The following PDK3 variants were observed in gnomAD, a reference collection of about 807,000 sequenced individuals.
PDK3 encodes the protein pyruvate dehydrogenase kinase 3, also known as pyruvate dehydrogenase kinase, isozyme 3.
A neutral mutation model predicts 32.0 loss-of-function variants in PDK3; 12 were observed. The observed-to-expected ratio is 0.37, with a 90% CI of 0.24 to 0.61. The LOEUF (loss-of-function observed/expected upper bound fraction) is 0.61, where lower values mean the gene tolerates loss of function less well. Ranked by LOEUF, PDK3 falls within the 20% of genes least tolerant of loss-of-function variation. The probability of loss-of-function intolerance (pLI) is 0.65; values close to 1 mark genes in which losing one functional copy is unlikely to be tolerated. For synonymous variants in PDK3, 122 were observed against 116.3 expected (o/e 1.05, Z -0.31); for missense variants, 188 against 316.9 (o/e 0.59, Z 3.09).
chrX:24,492,063 G>A (rs1428164979), intron 1 of PDK3, among the ~76,000 whole-genome samples: 1 of 112,029 alleles, frequency 8.9e-6, no homozygotes, highest in Non-Finnish European at 1.9e-5. Context: ...GTTTAGCCAG[G>A]ATGCAAAGTA....
At chrX:24,549,690 G>C (rs1923063606) in exon 12 of PDK3, 1 of 111,670 alleles carries the variant, frequency 9.0e-6, no homozygotes, top group South Asian at 3.7e-4. Context: ...TTGGCATTCT[G>C]GCTGACCCTA....
chrX:24,520,013 C>T (rs1321500430), intron 6 of PDK3, among the ~76,000 whole-genome samples: 1 of 111,467 alleles, frequency 9.0e-6, no homozygotes, highest in Non-Finnish European at 1.9e-5. Flanking sequence ...AGTGACATGG[C>T]GAAACCCCAT....
At position 24,465,341 on chromosome X, in the gene PDK3, G is replaced by A. The variant is rs1258204205; in HGVS notation, c.-115G>A. Reference sequence around the variant, plus strand: ...CGGCTGCACCGGCGGCGCCGAGGCCGAGATCGAGGCCGGGGTGCGCGCTTC... The same window carrying A: ...CGGCTGCACCGGCGGCGCCGAGGCCAAGATCGAGGCCGGGGTGCGCGCTTC... On this transcript the variant is annotated 5_prime_UTR_variant, in exon 1 of 11. Coordinates refer to ENST00000379162, the MANE Select transcript of PDK3 (RefSeq NM_005391.5). 4.3e-6 allele frequency: 2 copies of A among 461,065 alleles called. No individual in the cohort carries two copies. Among genetic ancestry groups the A allele is most frequent in the African/African-American group, 5.2e-5 (2 of 38,790 alleles). 38.0% of individuals were successfully genotyped at this position (461,065 alleles called of 1,213,427 possible).
chrX:24,540,324 A>C (rs1161304843), exon 12 of PDK3, among the ~76,000 whole-genome samples: 3 of 112,160 alleles, frequency 2.7e-5, no homozygotes, highest in Non-Finnish European at 5.6e-5. Context: ...TCTTCATGGT[A>C]ATTTTCCATA....
At chrX:24,513,290 G>A (rs950789463) in intron 5 of PDK3, among the ~76,000 whole-genome samples, 4 of 110,877 alleles carry the variant, frequency 3.6e-5, no homozygotes, top group Non-Finnish European at 7.5e-5. Context: ...GGGTAGGAAG[G>A]ATGATGATAG....
rs754966060 is a variant in PDK3, at chrX:24,502,839, G to A, written c.321-488G>A. Reference sequence around the variant, plus strand: ...AGCCTGGGTGACAGAGTGAGACTCCGTCAAAAGAACAAACAAACAAAACCC... The same window carrying A: ...AGCCTGGGTGACAGAGTGAGACTCCATCAAAAGAACAAACAAACAAAACCC... On this transcript the variant is annotated intron_variant, in intron 3 of 10. Coordinates refer to ENST00000379162, the MANE Select transcript of PDK3 (RefSeq NM_005391.5). 4.5e-5 allele frequency among the ~76,000 whole-genome samples: 5 copies of A among 111,704 alleles called. 1 individual carries two copies. The East Asian group carries it at 8.5e-4, about 19-fold the overall frequency.
exon 12 of PDK3, chrX:24,546,018 T>C (rs1922989193): frequency 8.9e-6 from 1 of 112,191 alleles, no homozygotes; most frequent in Non-Finnish European, 1.9e-5. Flanking sequence ...GAAGTGTTAG[T>C]GATTCCTGAG....
chrX:24,501,443 G>T (rs930898926), intron 3 of PDK3, among the ~76,000 whole-genome samples: 3 of 112,992 alleles, frequency 2.7e-5, no homozygotes, highest in Non-Finnish European at 5.6e-5. Context: ...GCCGGGCATG[G>T]TGGCCGACGC....
exon 12 of PDK3, among the ~76,000 whole-genome samples, chrX:24,541,990 T>C (rs1409009807): frequency 8.9e-6 from 1 of 112,261 alleles, no homozygotes; most frequent in Non-Finnish European, 1.9e-5. Flanking sequence ...ATGAATAATA[T>C]TCATAAATAG....
exon 12 of PDK3, among the ~76,000 whole-genome samples, chrX:24,543,347 C>T (rs1350877905): frequency 8.9e-6 from 1 of 111,904 alleles, no homozygotes; most frequent in Non-Finnish European, 1.9e-5. Context: ...AAGTCTTATC[C>T]TCCATTTCAC....
chrX:24,527,975 G>A, intron 8 of PDK3, 101 bp from the exon 9 acceptor site: 1 of 506,054 alleles, frequency 2.0e-6, no homozygotes, highest in Non-Finnish European at 3.5e-6. Context: ...CTTGTACATT[G>A]TGGAGTAATC....
intron 1 of PDK3, among the ~76,000 whole-genome samples, chrX:24,467,691 T>A (rs760169890): frequency 2.7e-5 from 3 of 112,166 alleles, no homozygotes; most frequent in Non-Finnish European, 5.6e-5. Context: ...AGTTCTATTT[T>A]GGCAATTGAT....
intron 5 of PDK3, among the ~76,000 whole-genome samples, chrX:24,506,911 A>G (rs1465686277): frequency 1.0e-5 from 1 of 99,441 alleles, no homozygotes; most frequent in African/African-American, 3.8e-5. Context: ...TTCGAGTTCA[A>G]GTGATTCTCC....
At chrX:24,529,600 A>T (rs1922600073) in intron 9 of PDK3, among the ~76,000 whole-genome samples, 1 of 110,570 alleles carries the variant, frequency 9.0e-6, no homozygotes, top group African/African-American at 3.3e-5. Flanking sequence ...TCTACTAAAA[A>T]TACACGAAAA....
In PDK3 at chrX:24,534,306, C is replaced by T. The variant is rs948290173; in HGVS notation, c.*234C>T. 6 of 802,187 alleles carry T rather than the reference C, an allele frequency of 7.5e-6. No individual in the cohort carries two copies. The Admixed American group carries it at 3.3e-4, about 44-fold the overall frequency. 66.1% of individuals were successfully genotyped at this position (802,187 alleles called of 1,213,427 possible). A position where few individuals can be genotyped will look rare whatever the true frequency, so the allele number is the denominator to read the frequency against. On this transcript the variant is annotated 3_prime_UTR_variant, in exon 11 of 11. Coordinates refer to ENST00000379162, the MANE Select transcript of PDK3 (RefSeq NM_005391.5). ...CAATCAAGATAAAAGGTGATCTATC[C>T]ATCCAATGGAATATTATTTGGCCTT...
intron 6 of PDK3, among the ~76,000 whole-genome samples, chrX:24,520,169 G>T (rs762781461): frequency 9.0e-6 from 1 of 111,437 alleles, no homozygotes; most frequent in East Asian, 2.8e-4. Context: ...CTCCACCCTG[G>T]GCAATAGTTT....
At chrX:24,491,626 G>A (rs1921563754) in intron 1 of PDK3, among the ~76,000 whole-genome samples, 1 of 110,927 alleles carries the variant, frequency 9.0e-6, no homozygotes, top group South Asian at 3.8e-4. Context: ...GACTAAGCAG[G>A]TCAAGATAGA....
Position 24,517,503 on chromosome X carries a change from G to A in PDK3, c.596-1430G>A, listed in dbSNP as rs184594257. ...CTCCCAAAGTCCTGGGTTTACAGGC[G>A]TGAGCCACTGCACCCGGCTCAAGGA... On this transcript the variant is annotated intron_variant, in intron 5 of 10. Coordinates refer to ENST00000379162, the MANE Select transcript of PDK3 (RefSeq NM_005391.5). Among the ~76,000 whole-genome samples, 882 of 112,749 alleles carry A rather than the reference G, an allele frequency of 7.8e-3. 7 individuals carry two copies. Among genetic ancestry groups the A allele is most frequent in the Middle Eastern group, 0.014 (3 of 215 alleles).
chrX:24,472,281 T>C (rs907433364), intron 1 of PDK3, among the ~76,000 whole-genome samples: 1 of 112,181 alleles, frequency 8.9e-6, no homozygotes, highest in African/African-American at 3.2e-5. Context: ...GAAATGTGGC[T>C]AGTGTGGCCG....
Sources: allele counts gnomAD v4.1 joint callset (sites outside exome capture counted in the v4.1 genomes callset), GRCh38; gene constraint gnomAD v4.1.1; transcripts MANE v1.5; gene names NCBI Gene and HGNC (gene_info 2026-07-23, HGNC 2026-07-21).